The following DDX47 variants were observed in gnomAD, a reference collection of about 807,000 sequenced individuals.
The protein encoded by DDX47 is probable ATP-dependent RNA helicase DDX47.
A neutral mutation model predicts 58.8 loss-of-function variants in DDX47; 60 were observed. That is an observed-to-expected ratio of 1.02 (90% CI 0.83 to 1.26). The LOEUF (loss-of-function observed/expected upper bound fraction) is 1.26, where lower values mean the gene tolerates loss of function less well. Among genes scored for constraint, DDX47 ranks in the 50% most tolerant of loss-of-function variants. The probability of loss-of-function intolerance (pLI) is 0.00; values close to 1 mark genes in which losing one functional copy is unlikely to be tolerated. For synonymous variants in DDX47, 197 were observed against 204.6 expected, an observed-to-expected ratio of 0.96 and a Z score of 0.32; for missense variants, 530 against 573.2, an observed-to-expected ratio of 0.92 and a Z score of 0.77.
rs769653577 is a variant in DDX47 at position 12,823,899 on chromosome 12, A to G, written c.780A>G (p.Glu260=). The change falls in exon 8 of 12, where the codon GAA becomes GAG. Residue 260 remains glutamate (E), a synonymous_variant. Coordinates refer to ENST00000358007, the MANE Select transcript of DDX47 (RefSeq NM_016355.4). ...KDTYLVYILN[E]LAGNSFMIFC... ...CCTACCTGGTTTATATTCTAAATGA[A>G]TTGGCTGGAAACTCCTTTATGATAT... 1.5e-5 allele frequency: 24 copies of G among 1,614,006 alleles called. No individual in the cohort carries two copies. Among genetic ancestry groups the G allele is most frequent in the Non-Finnish European group, 1.9e-5 (22 of 1,179,984 alleles).
At chr12:12,819,877 A>G (rs532946169) in intron 2 of DDX47, among the ~76,000 whole-genome samples, 4 of 152,122 alleles carry the variant, frequency 2.6e-5, no homozygotes, top group African/African-American at 7.2e-5. Flanking sequence ...CCACCATCAT[A>G]TCTCCCCTGA....
At position 12,825,941 on chromosome 12, in the gene DDX47, T is replaced by G. The variant is rs188907506; in HGVS notation, c.1036-59T>G. 3.5e-4 allele frequency: 469 copies of G among 1,334,944 alleles called. 3 individuals are homozygous for G. The East Asian group carries it at 0.011, about 32-fold the overall frequency. 82.7% of individuals were successfully genotyped at this position (1,334,944 alleles called of 1,614,324 possible). On this transcript the variant is annotated intron_variant, in intron 9 of 11. Coordinates refer to ENST00000358007, the MANE Select transcript of DDX47 (RefSeq NM_016355.4). Reference sequence around the variant, plus strand: ...GTTTTGCAGCAGGACTTTGCATATGTAGTTTTTTTTAAACTTATAATCCAT... The same window carrying G: ...GTTTTGCAGCAGGACTTTGCATATGGAGTTTTTTTTAAACTTATAATCCAT...
intron 7 of DDX47, chr12:12,823,587 T>C (rs2136423723): frequency 3.6e-6 from 2 of 553,592 alleles, no homozygotes; most frequent in East Asian, 6.0e-5. Flanking sequence ...CTTTGTCTGC[T>C]TATTATGTGG....
At chr12:12,824,167 A>G (rs1160323076) in intron 8 of DDX47, 151 bp downstream of exon 8, 6 of 963,920 alleles carry the variant, frequency 6.2e-6, no homozygotes, top group Non-Finnish European at 9.0e-6. Context: ...TGCTCTAGAT[A>G]CTTACTTTCT....
chr12:12,827,881 T>C (rs919921997), intron 11 of DDX47, among the ~76,000 whole-genome samples: 1 of 137,148 alleles, frequency 7.3e-6, no homozygotes, highest in African/African-American at 3.0e-5. Context: ...TTTTTCTTTT[T>C]TTTTTTTTTT....
intron 2 of DDX47, among the ~76,000 whole-genome samples, chr12:12,819,552 C>A (rs748620163): frequency 1.3e-5 from 2 of 152,144 alleles, no homozygotes; most frequent in East Asian, 3.9e-4. Context: ...GAGCTCCAAA[C>A]AAGTATGTCC....
rs763297686 is a variant in DDX47 at position 12,827,346 on chromosome 12, G to A, written c.1207G>A (p.Val403Ile). 15 of 1,614,018 alleles carry A rather than the reference G, an allele frequency of 9.3e-6. No individual in the cohort carries two copies. Among genetic ancestry groups the A allele is most frequent in the South Asian group, 7.7e-5 (7 of 91,078 alleles). ...DDEVMMLTER[V>I]AEAQRFARME... is the part of the protein sequence containing the mutation. ...TGAGGTTATGATGCTGACAGAACGC[G>A]TCGCTGAAGCCCAAAGGTTTGCCCG... The change falls in exon 11 of 12, where the codon GTC becomes ATC. Residue 403 changes from valine (V) to isoleucine (I), a missense_variant. Transcript: ENST00000358007.
intron 2 of DDX47, 124 bp downstream of exon 2, chr12:12,814,348 G>T: frequency 1.5e-6 from 1 of 678,014 alleles, no homozygotes. Flanking sequence ...ACAAAGTTTG[G>T]GTAATGGTAT....
rs1216415156 is a variant in DDX47 at position 12,814,361 on chromosome 12, G to GAA, written c.181+140_181+141dup. ...GTACAAAGTTTGGGTAATGGTATTT[G>GAA]AAAATGTCATTCTCCAATTTTACTG... On this transcript the variant is annotated intron_variant, in intron 2 of 11. Coordinates refer to ENST00000358007, the MANE Select transcript of DDX47 (RefSeq NM_016355.4). 1.2e-5 allele frequency: 8 copies of GAA among 640,730 alleles called. No individual in the cohort carries two copies. In the African/African-American group the frequency reaches 1.3e-4, roughly 10 times the overall value. The allele number at this position is 640,730 out of a possible 1,614,324, so 39.7% of individuals were successfully genotyped here.
At chr12:12,828,057 G>A (rs1284289268) in intron 11 of DDX47, among the ~76,000 whole-genome samples, 2 of 151,788 alleles carry the variant, frequency 1.3e-5, no homozygotes, top group African/African-American at 2.4e-5. Context: ...TAGAGATGGG[G>A]TTTCTCCATT....
intron 11 of DDX47, among the ~76,000 whole-genome samples, chr12:12,828,881 A>G (rs1000459133): frequency 2.6e-5 from 4 of 152,184 alleles, no homozygotes; most frequent in African/African-American, 9.7e-5. Context: ...TCGTTTCTTA[A>G]TGGCTACAAA....
In DDX47 at chr12:12,814,236, G is replaced by T; in HGVS notation, c.181+12G>T. ...TTTGGCCTTACAAGGTAGGTTGTAT[G>T]ACTTCGTACAGATTTAATATAAAGT... On this transcript the variant is annotated intron_variant, in intron 2 of 11. Transcript: ENST00000358007. 6.6e-7 allele frequency: 1 copy of T among 1,521,836 alleles called. No individual in the cohort carries two copies. The highest frequency in any genetic ancestry group is 1.1e-5 in the South Asian group (1 of 88,846). 94.3% of individuals were successfully genotyped at this position (1,521,836 alleles called of 1,614,324 possible). A position where few individuals can be genotyped will look rare whatever the true frequency, so the allele number is the denominator to read the frequency against.
In DDX47 at chr12:12,822,100, T is replaced by G. The variant is rs1862983452; in HGVS notation, c.561+17T>G. ...GAGACAGAGGTGAGCTCTCAATTTC[T>G]TTCCTCCTCTTAGAGCATCTCAAGG... On this transcript the variant is annotated intron_variant, in intron 5 of 11. Coordinates refer to ENST00000358007, the MANE Select transcript of DDX47 (RefSeq NM_016355.4). 2 of 1,563,088 alleles carry G rather than the reference T, an allele frequency of 1.3e-6. No homozygotes were observed. Among genetic ancestry groups the G allele is most frequent in the Admixed American group, 3.4e-5 (2 of 59,554 alleles).
At chr12:12,824,422 C>A in intron 8 of DDX47, 118 bp from the exon 9 acceptor site, 2 of 1,176,668 alleles carry the variant, frequency 1.7e-6, no homozygotes, top group Non-Finnish European at 2.4e-6. Flanking sequence ...CCATTCAAAA[C>A]TTAGGGGGAA....
intron 11 of DDX47, among the ~76,000 whole-genome samples, chr12:12,828,936 C>T (rs531882280): frequency 2.6e-5 from 4 of 152,324 alleles, no homozygotes; most frequent in East Asian, 1.9e-4. Flanking sequence ...TGGATGCTTA[C>T]GCTTTTTTCC....
At position 12,823,253 on chromosome 12, in the gene DDX47, T is replaced by C; in HGVS notation, c.684T>C (p.Val228=). The C allele has an allele frequency of 6.2e-7, 1 of 1,614,018 alleles. No individual in the cohort carries two copies. Among genetic ancestry groups the C allele is most frequent in the Non-Finnish European group, 8.5e-7 (1 of 1,179,868 alleles). Residue 228 remains valine, a synonymous_variant, in exon 7 of 12, where the codon GTT becomes GTC. Transcript: ENST00000358007. ...AALKNPVKCA[V]SSKYQTVEKL... ...TGAAGAATCCTGTGAAATGTGCCGT[T>C]TCCTCTAAATACCAGACAGTTGAAA... is the stretch of plus-strand genomic sequence containing the variant.
At chr12:12,813,624 G>A (rs970385261) in intron 1 of DDX47, 170 bp downstream of exon 1, 2 of 663,036 alleles carry the variant, frequency 3.0e-6, no homozygotes, top group African/African-American at 1.8e-5. Context: ...GAGTTTGGGT[G>A]GTGGGAGGGC....
chr12:12,826,205 G>A (rs1370469414), intron 10 of DDX47, 135 bp downstream of exon 10: 4 of 636,432 alleles, frequency 6.3e-6, no homozygotes, highest in Non-Finnish European at 1.0e-5. Flanking sequence ...GGAGTTGAAA[G>A]ATGGGAATAA....
At position 12,813,374 on chromosome 12, in the gene DDX47, GCACCCGAGGAA is replaced by G. The variant is rs1248747658; in HGVS notation, c.11_21del (p.Pro4ArgfsTer17). 2 of 1,613,030 alleles carry G rather than the reference GCACCCGAGGAA, an allele frequency of 1.2e-6. No homozygotes were observed. The highest frequency in any genetic ancestry group is 1.7e-6 in the Non-Finnish European group (2 of 1,179,574). On this transcript the variant is annotated frameshift_variant, in exon 1 of 12. Coordinates refer to ENST00000358007, the MANE Select transcript of DDX47 (RefSeq NM_016355.4). LOFTEE classifies it high-confidence loss of function. ...TCCGGAGACCTCACACAAGATGGCG[GCACCCGAGGAA>G]CACGATTCTCCGACCGAAGCGTCCC...
Sources: allele counts gnomAD v4.1 joint callset (sites outside exome capture counted in the v4.1 genomes callset), GRCh38; gene constraint gnomAD v4.1.1; transcripts MANE v1.5; gene names NCBI Gene and HGNC (gene_info 2026-07-23, HGNC 2026-07-21).